The following TSGA10 variants were observed in gnomAD, a reference collection of about 807,000 sequenced individuals.
The protein encoded by TSGA10 is testis-specific gene 10 protein.
Under a neutral mutation model 96.6 loss-of-function variants are expected in TSGA10, and 43 were observed. The ratio of observed to expected loss-of-function variants is 0.44; its 90% CI spans 0.35 to 0.57. The LOEUF (loss-of-function observed/expected upper bound fraction) is 0.57. Ranked by LOEUF, TSGA10 falls within the 20% of genes least tolerant of loss-of-function variation. TSGA10 has a pLI of 0.01. For synonymous variants in TSGA10, 229 were observed against 269.9 expected (o/e 0.85, Z 1.48); for missense variants, 703 against 834.4 (o/e 0.84, Z 1.94).
chr2:99,057,797 G>GA (rs1471106899), intron 16 of TSGA10, among the ~76,000 whole-genome samples: 13 of 152,112 alleles, frequency 8.5e-5, no homozygotes, highest in Middle Eastern at 3.4e-3. Context: ...AAACAATCTT[G>GA]AAAAAATGAA....
intron 12 of TSGA10, 90 bp from the exon 13 acceptor site, chr2:99,073,163 C>T: frequency 2.4e-6 from 2 of 834,354 alleles, no homozygotes; most frequent in Non-Finnish European, 3.8e-6. Flanking sequence ...TTCCCTTTCC[C>T]TTTAGGTTTC....
chr2:99,022,893 G>A (rs1292916194), intron 17 of TSGA10, among the ~76,000 whole-genome samples: 1 of 152,128 alleles, frequency 6.6e-6, no homozygotes, highest in Non-Finnish European at 1.5e-5. Context: ...TTGTGAAATA[G>A]TATGGTTTTG....
intron 10 of TSGA10, among the ~76,000 whole-genome samples, chr2:99,099,905 C>T (rs2090498216): frequency 6.6e-6 from 1 of 152,082 alleles, no homozygotes; most frequent in African/African-American, 2.4e-5. Flanking sequence ...TTTATTTTTA[C>T]ATAACAGCCA....
At chr2:99,022,324 CAAAAAAAAAA>C (rs56381088) in intron 17 of TSGA10, among the ~76,000 whole-genome samples, 1 of 43,910 alleles carries the variant, frequency 2.3e-5, no homozygotes, top group Admixed American at 3.1e-4. Context: ...GACCCTGTCT[CAAAAAAAAAA>C]AAAAAAAAAA....
intron 6 of TSGA10, 24 bp from the exon 7 acceptor site, chr2:99,109,015 A>AC: frequency 6.8e-7 from 1 of 1,469,192 alleles, no homozygotes. Flanking sequence ...AGGAATTTGA[A>AC]ATCTTCTTTG....
At chr2:99,058,499 G>C (rs1490843899) in intron 16 of TSGA10, among the ~76,000 whole-genome samples, 1 of 151,932 alleles carries the variant, frequency 6.6e-6, no homozygotes, top group African/African-American at 2.4e-5. Context: ...CAATGAAATA[G>C]AAAACTAGTT....
chr2:99,002,141 C>A (rs963719384), intron 20 of TSGA10, among the ~76,000 whole-genome samples: 1 of 152,138 alleles, frequency 6.6e-6, no homozygotes, highest in Admixed American at 6.5e-5. Flanking sequence ...GAGAACGCTA[C>A]AAAGATACTC....
At position 99,088,250 on chromosome 2, in the gene TSGA10, T is replaced by C. The variant is rs143438858; in HGVS notation, c.612-6853A>G. Among the ~76,000 whole-genome samples, 17 of 152,342 alleles carry C rather than the reference T, an allele frequency of 1.1e-4. No individual in the cohort carries two copies. The East Asian group carries it at 3.3e-3, about 29-fold the overall frequency. On this transcript the variant is annotated intron_variant, in intron 10 of 20. Coordinates refer to ENST00000393483, the MANE Select transcript of TSGA10 (RefSeq NM_025244.4). ...GTGGTTTCAGTTACCCACAGTCAAC[T>C]GAAAACAGAGAGACCACATTCACAT...
At chr2:99,016,450 G>A (rs983670470) in intron 20 of TSGA10, among the ~76,000 whole-genome samples, 1 of 152,068 alleles carries the variant, frequency 6.6e-6, no homozygotes, top group Non-Finnish European at 1.5e-5. Flanking sequence ...CACATGTAGA[G>A]GAATGAAACT....
chr2:99,051,590 A>G (rs74262369), intron 16 of TSGA10, among the ~76,000 whole-genome samples: 6,788 of 152,272 alleles, frequency 0.045, 318 homozygotes, highest in East Asian at 0.21. Flanking sequence ...AGAAGATAAC[A>G]GGTAAATAGA....
chr2:99,125,578 G>C (rs1395470304), intron 2 of TSGA10: 2 of 152,038 alleles, frequency 1.3e-5, no homozygotes, highest in Non-Finnish European at 2.9e-5. Flanking sequence ...CTGATTCTTT[G>C]GATTACAATG....
At chr2:99,103,946 T>C (rs1356847235) in intron 10 of TSGA10, 21 bp downstream of exon 10, 4 of 1,612,582 alleles carry the variant, frequency 2.5e-6, no homozygotes, top group Non-Finnish European at 2.5e-6. Context: ...CTGTTGGTTG[T>C]TTAAAGGTGA....
chr2:99,058,222 C>T (rs143097196), intron 16 of TSGA10, among the ~76,000 whole-genome samples: 23 of 152,228 alleles, frequency 1.5e-4, no homozygotes, highest in African/African-American at 4.6e-4. Context: ...CACAACTCTA[C>T]GAACATCTAA....
intron 11 of TSGA10, among the ~76,000 whole-genome samples, chr2:99,080,683 T>C (rs1405533704): frequency 6.6e-6 from 1 of 152,164 alleles, no homozygotes; most frequent in Non-Finnish European, 1.5e-5. Context: ...TCTTGAACTA[T>C]ATAATAGCAA....
chr2:99,033,193 A>C (rs1353696644), intron 17 of TSGA10, among the ~76,000 whole-genome samples: 1 of 152,224 alleles, frequency 6.6e-6, no homozygotes, highest in East Asian at 1.9e-4. Context: ...GCTATCCAAA[A>C]AATGTCACCT....
At chr2:99,022,592 G>A (rs537170783) in intron 17 of TSGA10, among the ~76,000 whole-genome samples, 437 of 152,162 alleles carry the variant, frequency 2.9e-3, no homozygotes, top group African/African-American at 8.9e-3. Context: ...CTCTATTCAT[G>A]AGTTAAAAAT....
Position 99,147,332 on chromosome 2 carries a change from G to A in TSGA10, c.-621+7361C>T, listed in dbSNP as rs1486747057. On this transcript the variant is annotated intron_variant, in intron 1 of 20. Transcript: ENST00000393483. ...CCTATCTTAATATCTAGTAAAGAAA[G>A]CCACTTTGTTCTTTTTCTCCAGATT... 3.5e-6 allele frequency: 3 copies of A among 860,060 alleles called. No homozygotes were observed. In the South Asian group the frequency reaches 4.8e-5, roughly 14 times the overall value. 53.3% of individuals were successfully genotyped at this position (860,060 alleles called of 1,614,324 possible). A position where few individuals can be genotyped will look rare whatever the true frequency, so the allele number is the denominator to read the frequency against.
At chr2:99,077,127 CTTTTTTTTTTTTTTTT>C (rs35876721) in intron 12 of TSGA10, among the ~76,000 whole-genome samples, 3 of 70,460 alleles carry the variant, frequency 4.3e-5, no homozygotes, top group Admixed American at 1.6e-4. Context: ...GACCATTCAC[CTTTTTTTTTTTTTTTT>C]TTTTTTTTTT....
intron 1 of TSGA10, among the ~76,000 whole-genome samples, chr2:99,129,984 T>C (rs2093001827): frequency 6.6e-6 from 1 of 152,230 alleles, no homozygotes; most frequent in Admixed American, 6.5e-5. Flanking sequence ...TCTTAATGGC[T>C]GCACAGTATC....
Sources: allele counts gnomAD v4.1 joint callset (sites outside exome capture counted in the v4.1 genomes callset), GRCh38; gene constraint gnomAD v4.1.1; transcripts MANE v1.5; gene names NCBI Gene and HGNC (gene_info 2026-07-23, HGNC 2026-07-21).